SEC22B: variants seen among roughly 807,000 people sequenced by gnomAD.
The protein encoded by SEC22B is vesicle-trafficking protein SEC22b.
A neutral mutation model predicts 31.4 loss-of-function variants in SEC22B; 10 were observed. The ratio of observed to expected loss-of-function variants is 0.32; its 90% CI spans 0.20 to 0.54. SEC22B has a LOEUF of 0.54. Among genes scored for constraint, SEC22B ranks in the 20% least tolerant of loss-of-function variants. The probability of loss-of-function intolerance (pLI) is 0.94; values close to 1 mark genes in which losing one functional copy is unlikely to be tolerated. For missense variants in SEC22B, 130 were observed against 263.4 expected, an observed-to-expected ratio of 0.49 and a Z score of 3.50; for synonymous variants, 60 against 95.9, an observed-to-expected ratio of 0.63 and a Z score of 2.19.
At position 120,153,133 on chromosome 1, in the gene SEC22B, C is replaced by T. The variant is rs1401480622; in HGVS notation, c.*3905G>A. The T allele has an allele frequency of 2.6e-5, 4 of 151,876 alleles. No individual in the cohort carries two copies. The highest frequency in any genetic ancestry group is 4.9e-5 in the African/African-American group (2 of 41,230). 9.4% of individuals were successfully genotyped at this position (151,876 alleles called of 1,614,324 possible). On this transcript the variant is annotated 3_prime_UTR_variant, in exon 5 of 5. Coordinates refer to ENST00000578049, the MANE Select transcript of SEC22B (RefSeq NM_004892.6). Reference sequence around the variant, plus strand: ...ATAGTTTTATACTGCTAGGTCAACGCTGCCTGACAGTAATAAGAATAGGAT... The same window carrying T: ...ATAGTTTTATACTGCTAGGTCAACGTTGCCTGACAGTAATAAGAATAGGAT...
chr1:120,157,146 G>C lies in SEC22B; in HGVS notation c.540C>G (p.Tyr180Ter). ...ANNLSSLSKK[Y>*]RQDAKYLNMR... ...TGTTCAAGTACTTCGCATCCTGGCG[G>C]TATTTCTTGGACAGACTGGACAAAT... The change falls in exon 5 of 5, where the codon TAC becomes TAG. Residue 180 changes from tyrosine to a stop codon, truncating the protein, a stop_gained. Coordinates refer to ENST00000578049, the MANE Select transcript of SEC22B (RefSeq NM_004892.6). LOFTEE classifies it high-confidence loss of function. 1 of 1,575,536 alleles carries C rather than the reference G, an allele frequency of 6.3e-7. No individual in the cohort carries two copies. The highest frequency in any genetic ancestry group is 8.7e-7 in the Non-Finnish European group (1 of 1,155,918).
At chr1:120,157,571 T>C (rs1204369485) in intron 4 of SEC22B, 2 of 155,196 alleles carry the variant, frequency 1.3e-5, no homozygotes, top group Non-Finnish European at 2.8e-5. Flanking sequence ...GCCTGTAAAG[T>C]GAGCAACAAT....
In SEC22B at chr1:120,157,466, G is replaced by A. The variant is rs1657646727; in HGVS notation, c.494-274C>T. 9 of 254,422 alleles carry A rather than the reference G, an allele frequency of 3.5e-5. No homozygotes were observed. The East Asian group carries it at 6.2e-4, about 18-fold the overall frequency. The allele number at this position is 254,422 out of a possible 1,614,324, so 15.8% of individuals were successfully genotyped here. On this transcript the variant is annotated intron_variant, in intron 4 of 4. Coordinates refer to ENST00000578049, the MANE Select transcript of SEC22B (RefSeq NM_004892.6). ...CACCTGTACAAGTTATGTGACATTG[G>A]TCAAGTCATGTAACCTATTTAAAAC...
intron 1 of SEC22B, among the ~76,000 whole-genome samples, chr1:120,169,305 G>A (rs1241243168): frequency 4.1e-4 from 63 of 152,122 alleles, no homozygotes; most frequent in African/African-American, 1.5e-3. Context: ...TATACTCAGG[G>A]GAATATCCTA....
chr1:120,168,192 T>C (rs1370254077), intron 2 of SEC22B, among the ~76,000 whole-genome samples: 2 of 152,044 alleles, frequency 1.3e-5, no homozygotes, highest in Non-Finnish European at 2.9e-5. Context: ...CTTTTCCTTT[T>C]TAATCCTTCC....
At chr1:120,170,994 A>AAT (rs1657888823) in intron 1 of SEC22B, among the ~76,000 whole-genome samples, 2 of 108,858 alleles carry the variant, frequency 1.8e-5, no homozygotes, top group South Asian at 2.8e-4. Flanking sequence ...ATTCTTTAAT[A>AAT]AAAAAAAGAA....
At chr1:120,174,374 G>A (rs1657929041) in intron 1 of SEC22B, among the ~76,000 whole-genome samples, 1 of 152,214 alleles carries the variant, frequency 6.6e-6, no homozygotes, top group East Asian at 1.9e-4. Context: ...GATCTTTACA[G>A]ACATTAAAAG....
Position 120,156,786 on chromosome 1 carries a change from C to G in SEC22B, c.*252G>C. On this transcript the variant is annotated 3_prime_UTR_variant, in exon 5 of 5. Coordinates refer to ENST00000578049, the MANE Select transcript of SEC22B (RefSeq NM_004892.6). Reference sequence around the variant, plus strand: ...GGAGGGAAAAAACGAAATTAACAATCTACTATTCCCTAATATATATGGCTT... The same window carrying G: ...GGAGGGAAAAAACGAAATTAACAATGTACTATTCCCTAATATATATGGCTT... 3.2e-6 allele frequency: 1 copy of G among 311,568 alleles called. No individual in the cohort carries two copies. The allele number at this position is 311,568 out of a possible 1,614,324, so 19.3% of individuals were successfully genotyped here.
At chr1:120,163,129 T>C (rs1211561547) in intron 3 of SEC22B, 81 bp downstream of exon 3, 1 of 546,288 alleles carries the variant, frequency 1.8e-6, no homozygotes, top group Non-Finnish European at 3.1e-6. Flanking sequence ...AAAAAATGTA[T>C]AAATATTATA....
Position 120,157,180 on chromosome 1 carries a change from T to C in SEC22B, c.506A>G (p.Lys169Arg), listed in dbSNP as rs1482476114. 5.1e-5 allele frequency: 73 copies of C among 1,438,830 alleles called. No homozygotes were observed. The African/African-American group carries it at 9.5e-4, about 19-fold the overall frequency. The allele number at this position is 1,438,830 out of a possible 1,614,324, so 89.1% of individuals were successfully genotyped here. Residue 169 changes from lysine (K) to arginine (R), a missense_variant, in exon 5 of 5, where the codon AAG becomes AGG. Around this residue, in one of 4 missense-constraint regions of SEC22B, gnomAD observed 53 missense variants for 63.3 expected, o/e 0.84. Transcript: ENST00000578049. ...GGACAGACTGGACAAATTGTTAGCC[T>C]TTGAATCCAATGCTGTCAAAGAGGA... ...RGEALSALDS[K>R]ANNLSSLSKK...
intron 1 of SEC22B, among the ~76,000 whole-genome samples, chr1:120,169,964 C>G (rs1369650791): frequency 1.5e-4 from 23 of 151,844 alleles, no homozygotes; most frequent in African/African-American, 5.6e-4. Flanking sequence ...GTAGAGCCCT[C>G]ATGAATGTGA....
At chr1:120,166,164 G>T (rs1362797134) in intron 2 of SEC22B, among the ~76,000 whole-genome samples, 4 of 143,088 alleles carry the variant, frequency 2.8e-5, no homozygotes, top group Admixed American at 6.7e-5. Flanking sequence ...AGAGAAAAGA[G>T]AACTTTTATA....
chr1:120,160,992 TTTGA>T (rs1263139253), intron 3 of SEC22B, among the ~76,000 whole-genome samples: 6 of 152,182 alleles, frequency 3.9e-5, no homozygotes, highest in Non-Finnish European at 7.3e-5. Context: ...AAATCTAGGC[TTTGA>T]TTATTTCATT....
At chr1:120,172,185 A>G (rs1657905223) in intron 1 of SEC22B, among the ~76,000 whole-genome samples, 1 of 99,738 alleles carries the variant, frequency 1.0e-5, no homozygotes, top group Non-Finnish European at 1.8e-5. Flanking sequence ...AGGTTGCAGT[A>G]AGCTGAGATC....
intron 2 of SEC22B, among the ~76,000 whole-genome samples, chr1:120,165,641 T>C (rs1409913135): frequency 2.6e-5 from 4 of 152,118 alleles, no homozygotes; most frequent in East Asian, 1.9e-4. Flanking sequence ...ATTGTGCAAG[T>C]TGTCTCTTCA....
chr1:120,164,353 C>T (rs1206380835), intron 2 of SEC22B, among the ~76,000 whole-genome samples: 12 of 144,038 alleles, frequency 8.3e-5, no homozygotes, highest in South Asian at 4.7e-4. Flanking sequence ...TGCATAATGC[C>T]GAGGTTTGGG....
At position 120,157,154 on chromosome 1, in the gene SEC22B, T is replaced by C; in HGVS notation, c.532A>G (p.Lys178Glu). 2.0e-6 allele frequency: 3 copies of C among 1,506,904 alleles called. No homozygotes were observed. The highest frequency in any genetic ancestry group is 1.8e-6 in the Non-Finnish European group (2 of 1,119,608). The allele number at this position is 1,506,904 out of a possible 1,614,324, so 93.3% of individuals were successfully genotyped here. A position where few individuals can be genotyped will look rare whatever the true frequency, so the allele number is the denominator to read the frequency against. Residue 178 changes from lysine to glutamate, a missense_variant, in exon 5 of 5, where the codon AAG (lysine) becomes GAG (glutamate). This residue lies in a region of SEC22B where 53 missense variants were observed against 63.3 expected (regional missense o/e 0.84). Transcript: ENST00000578049. ...TACTTCGCATCCTGGCGGTATTTCT[T>C]GGACAGACTGGACAAATTGTTAGCC... ...SKANNLSSLS[K>E]KYRQDAKYLN... is the part of the protein sequence containing the mutation.
intron 1 of SEC22B, among the ~76,000 whole-genome samples, chr1:120,174,289 G>C (rs1490649326): frequency 6.6e-6 from 1 of 152,304 alleles, no homozygotes; most frequent in East Asian, 1.9e-4. Context: ...GCTTAGCACA[G>C]TGTTTGGTAT....
intron 2 of SEC22B, among the ~76,000 whole-genome samples, chr1:120,167,502 C>T (rs1416326412): frequency 3.3e-5 from 5 of 151,790 alleles, no homozygotes; most frequent in African/African-American, 9.7e-5. Context: ...ATATATACTC[C>T]CCTCCTCTGT....
Sources: gnomAD v4.1 joint callset for allele counts (sites outside exome capture counted in the v4.1 genomes callset) on GRCh38, gnomAD v4.1.1 for gene constraint, gnomAD v4.1.1 regional missense constraint, MANE v1.5 for transcripts, NCBI Gene and HGNC (gene_info 2026-07-23, HGNC 2026-07-21) for gene names.